LDHC: variants seen among roughly 807,000 people sequenced by gnomAD.
LDHC encodes L-lactate dehydrogenase C chain.
LDHC carries 20 observed loss-of-function variants against 30.2 expected under a neutral mutation model. That is an observed-to-expected ratio of 0.66 (90% CI 0.47 to 0.96). The LOEUF (loss-of-function observed/expected upper bound fraction) is 0.96. LDHC is among the 40% of genes least tolerant of loss of function. The pLI, the probability that LDHC is intolerant of heterozygous loss-of-function variation, is 0.00. For missense variants in LDHC, 362 were observed against 394.9 expected (o/e 0.92, Z 0.71); for synonymous variants, 139 against 132.7 (o/e 1.05, Z -0.32).
In LDHC at chr11:18,426,848, GT is replaced by G. The variant is rs137864892; in HGVS notation, c.245-2886del. ...TAATGCCATCATTTCCTTACCTGTT[GT>G]TTATTTTTCTTTCAAAATACAACCA... On this transcript the variant is annotated intron_variant, in intron 3 of 7. Coordinates refer to ENST00000541669, the MANE Select transcript of LDHC (RefSeq NM_017448.5). 3.1e-3 allele frequency among the ~76,000 whole-genome samples: 478 copies of G among 152,016 alleles called. 5 individuals carry two copies. Among genetic ancestry groups the G allele is most frequent in the African/African-American group, 0.011 (462 of 41,480 alleles).
At chr11:18,447,150 T>G (rs931778787) in intron 7 of LDHC, among the ~76,000 whole-genome samples, 5 of 151,762 alleles carry the variant, frequency 3.3e-5, no homozygotes, top group Admixed American at 6.6e-5. Context: ...TTTTTTTTTT[T>G]TGAGACGGAG....
chr11:18,449,792 G>A (rs1465193805), intron 7 of LDHC, among the ~76,000 whole-genome samples: 1 of 152,214 alleles, frequency 6.6e-6, no homozygotes, highest in East Asian at 1.9e-4. Context: ...TAGAGCCCCA[G>A]AGATGGTGAG....
At chr11:18,445,309 C>T (rs1172624889) in intron 6 of LDHC, among the ~76,000 whole-genome samples, 4 of 152,108 alleles carry the variant, frequency 2.6e-5, no homozygotes. Flanking sequence ...CTACCTCAGC[C>T]TCTCCAGTAG....
At chr11:18,449,142 C>G (rs75740864) in intron 7 of LDHC, among the ~76,000 whole-genome samples, 22,441 of 151,942 alleles carry the variant, frequency 0.15, 1,828 homozygotes, top group African/African-American at 0.21. Flanking sequence ...CCATCAGAGG[C>G]CTTGCCTCTG....
intron 6 of LDHC, 43 bp downstream of exon 6, chr11:18,438,688 C>A: frequency 1.0e-6 from 1 of 1,003,990 alleles, no homozygotes; most frequent in South Asian, 1.3e-5. Flanking sequence ...AATAGTCAGT[C>A]TTAAGAATAA....
chr11:18,442,210 C>T (rs1311671405), intron 6 of LDHC, among the ~76,000 whole-genome samples: 1 of 151,922 alleles, frequency 6.6e-6, no homozygotes, highest in Non-Finnish European at 1.5e-5. Context: ...TCATAAAATC[C>T]AGTGCTGATA....
At chr11:18,418,028 A>T (rs1468292097) in intron 3 of LDHC, among the ~76,000 whole-genome samples, 1 of 151,874 alleles carries the variant, frequency 6.6e-6, no homozygotes, top group Admixed American at 6.6e-5. Flanking sequence ...CTATTGCTAA[A>T]ATATATATAA....
chr11:18,434,826 C>T lies in LDHC; in HGVS notation c.505C>T (p.Arg169Cys), dbSNP rs148817816. ...IGSGCNLDSA[R>C]FRYLIGEKLG... ...AAGTGGTTGTAATCTAGACTCTGCC[C>T]GTTTCCGTTACCTAATTGGAGAAAA... The change falls in exon 5 of 8, where the codon CGT (arginine) becomes TGT (cysteine). Residue 169 changes from arginine to cysteine, a missense_variant. Physicochemically the swap from Arg to Cys is radical, Grantham distance 180 (BLOSUM62 -3). Transcript: ENST00000541669. The T allele has an allele frequency of 4.8e-4, 777 of 1,611,338 alleles. 3 individuals carry two copies. The highest frequency in any genetic ancestry group is 5.8e-4 in the Non-Finnish European group (680 of 1,177,560).
chr11:18,426,526 CAA>C (rs33993685), intron 3 of LDHC, among the ~76,000 whole-genome samples: 11 of 111,548 alleles, frequency 9.9e-5, no homozygotes, highest in Non-Finnish European at 5.3e-5. Context: ...GACTCCGTCT[CAA>C]AAAAAAAAAA....
At chr11:18,428,813 T>G (rs1848211101) in intron 3 of LDHC, among the ~76,000 whole-genome samples, 1 of 151,338 alleles carries the variant, frequency 6.6e-6, no homozygotes, top group African/African-American at 2.4e-5. Flanking sequence ...TGGCAGACGT[T>G]GCAGTGAGCT....
chr11:18,424,536 GC>G (rs1364462492), intron 3 of LDHC, among the ~76,000 whole-genome samples: 2 of 152,110 alleles, frequency 1.3e-5, no homozygotes, highest in Admixed American at 1.3e-4. Context: ...TATTGTAGTA[GC>G]CCCAAACTGT....
chr11:18,423,105 C>T (rs1300037316), intron 3 of LDHC, among the ~76,000 whole-genome samples: 1 of 150,784 alleles, frequency 6.6e-6, no homozygotes, highest in Admixed American at 6.6e-5. Flanking sequence ...CAAGTGGATC[C>T]CTTGAGGTCA....
At chr11:18,447,702 C>T (rs139933140) in intron 7 of LDHC, among the ~76,000 whole-genome samples, 104 of 152,138 alleles carry the variant, frequency 6.8e-4, no homozygotes, top group African/African-American at 2.4e-3. Flanking sequence ...ATTAGATGAT[C>T]TTCAAAAAAT....
chr11:18,415,128 T>C (rs1362150943), intron 2 of LDHC, 56 bp from the exon 3 acceptor site: 2 of 901,432 alleles, frequency 2.2e-6, no homozygotes, highest in Non-Finnish European at 3.5e-6. Context: ...AAAATTCTTC[T>C]TATTCTCCTA....
In LDHC at chr11:18,415,168, C is replaced by A. The variant is rs749113751; in HGVS notation, c.127-16C>A. On this transcript the variant is annotated splice_polypyrimidine_tract_variant and intron_variant, in intron 2 of 7. Coordinates refer to ENST00000541669, the MANE Select transcript of LDHC (RefSeq NM_017448.5). ...TTAAGTAGGAACATTTTATTCAGAA[C>A]TTTTGTATATTTTAGGATTTGGCTG... The A allele has an allele frequency of 2.1e-6, 3 of 1,447,844 alleles. No homozygotes were observed. The highest frequency in any genetic ancestry group is 2.9e-6 in the Non-Finnish European group (3 of 1,040,352). The allele number at this position is 1,447,844 out of a possible 1,614,324, so 89.7% of individuals were successfully genotyped here.
At chr11:18,429,076 A>G (rs1848216681) in intron 3 of LDHC, among the ~76,000 whole-genome samples, 1 of 150,852 alleles carries the variant, frequency 6.6e-6, no homozygotes, top group Admixed American at 6.6e-5. Context: ...CCTGAAACAG[A>G]CACATAAATT....
intron 6 of LDHC, among the ~76,000 whole-genome samples, chr11:18,442,779 CG>C (rs1187373169): frequency 6.7e-6 from 1 of 150,200 alleles, no homozygotes; most frequent in African/African-American, 2.4e-5. Context: ...TCTCATGCCT[CG>C]GCCTCTTGAG....
rs1565051426 is a variant in LDHC, at chr11:18,429,900, T to A, written c.408T>A (p.Val136=). 1 of 1,602,678 alleles carries A rather than the reference T, an allele frequency of 6.2e-7. No individual in the cohort carries two copies. The highest frequency in any genetic ancestry group is 8.5e-7 in the Non-Finnish European group (1 of 1,170,710). Residue 136 remains valine, a synonymous_variant, in exon 4 of 8, where the codon GTT becomes GTA. Transcript: ENST00000541669. ...GTCCTGATTGTAAAATTCTTGTTGT[T>A]TCAAATCCAGGTGAGTCTTCTCTCT... ...HYSPDCKILV[V]SNPVDILTYI... is the part of the protein sequence containing the mutation.
chr11:18,451,895 C>T lies in LDHC; in HGVS notation c.*768C>T, dbSNP rs1848661332. The stretch of plus-strand genomic sequence containing the variant: ...GGAGTTCAAGGCTATGATTGTGTCA[C>T]TGCACTCCAGCCTGGGCCACAGAGG... On this transcript the variant is annotated 3_prime_UTR_variant, in exon 8 of 8. Coordinates refer to ENST00000541669, the MANE Select transcript of LDHC (RefSeq NM_017448.5). The T allele has an allele frequency of 6.6e-6, 1 of 152,166 alleles. No individual in the cohort carries two copies. 9.4% of individuals were successfully genotyped at this position (152,166 alleles called of 1,614,324 possible). A position where few individuals can be genotyped will look rare whatever the true frequency, so the allele number is the denominator to read the frequency against.
Sources: gnomAD v4.1 joint callset for allele counts (sites outside exome capture counted in the v4.1 genomes callset) on GRCh38, gnomAD v4.1.1 for gene constraint, MANE v1.5 for transcripts, NCBI Gene and HGNC (gene_info 2026-07-23, HGNC 2026-07-21) for gene names.